The following NSUN6 variants were observed in gnomAD, a reference collection of about 807,000 sequenced individuals.
NSUN6 encodes NOP2/Sun RNA methyltransferase 6.
Under a neutral mutation model 58.0 loss-of-function variants are expected in NSUN6, and 64 were observed. The ratio of observed to expected loss-of-function variants is 1.10; its 90% CI spans 0.90 to 1.36. The LOEUF is 1.36. NSUN6 is among the 40% of genes most tolerant of loss of function. The probability of loss-of-function intolerance (pLI) is 0.00; values close to 1 mark genes in which losing one functional copy is unlikely to be tolerated. For missense variants in NSUN6, 701 were observed against 550.1 expected (o/e 1.27, Z -2.74); for synonymous variants, 231 against 193.9 (o/e 1.19, Z -1.59).
chr10:18,546,662 G>C (rs2054282052), intron 10 of NSUN6, among the ~76,000 whole-genome samples: 1 of 152,142 alleles, frequency 6.6e-6, no homozygotes, highest in Non-Finnish European at 1.5e-5. Context: ...CTGATTACCT[G>C]AGGTCAGGAG....
At position 18,602,240 on chromosome 10, in the gene NSUN6, G is replaced by T. The variant is rs377679802; in HGVS notation, c.658-5913C>A. 1.2e-3 allele frequency among the ~76,000 whole-genome samples: 162 copies of T among 135,718 alleles called. No homozygotes were observed. The East Asian group carries it at 0.016, about 13-fold the overall frequency. The allele number at this position is 135,718 out of a possible 152,430, so 89.0% of individuals were successfully genotyped here. A position where few individuals can be genotyped will look rare whatever the true frequency, so the allele number is the denominator to read the frequency against. Reference sequence around the variant, plus strand: ...ACCACACCCAGCTAATTTTTGTGGGGTTTTTTTTTTTGTTTTTTTTTGAGA... The same window carrying T: ...ACCACACCCAGCTAATTTTTGTGGGTTTTTTTTTTTTGTTTTTTTTTGAGA... On this transcript the variant is annotated intron_variant, in intron 6 of 10. Transcript: ENST00000377304.
In NSUN6 at chr10:18,567,042, T is replaced by G. The variant is rs183494412; in HGVS notation, c.923-15071A>C. On this transcript the variant is annotated intron_variant, in intron 8 of 10. Transcript: ENST00000377304. Reference sequence around the variant, plus strand: ...ATTCCATTCTCCATTCCATTCCATATTCTATTCCTTTCTCCATTCTATTCC... The same window carrying G: ...ATTCCATTCTCCATTCCATTCCATAGTCTATTCCTTTCTCCATTCTATTCC... 2.9e-3 allele frequency among the ~76,000 whole-genome samples: 433 copies of G among 150,770 alleles called. 4 individuals are homozygous for G. Among genetic ancestry groups the G allele is most frequent in the East Asian group, 1.6e-3 (8 of 5,070 alleles).
At chr10:18,575,741 G>C (rs769135501) in intron 8 of NSUN6, among the ~76,000 whole-genome samples, 27 of 152,120 alleles carry the variant, frequency 1.8e-4, no homozygotes, top group Non-Finnish European at 3.2e-4. Context: ...AAAGATACTG[G>C]TCTTTCTCCT....
intron 6 of NSUN6, among the ~76,000 whole-genome samples, chr10:18,597,193 T>C (rs552485434): frequency 6.6e-6 from 1 of 152,346 alleles, no homozygotes; most frequent in South Asian, 2.1e-4. Flanking sequence ...TAATTTGTTA[T>C]TAGTATCAAT....
intron 3 of NSUN6, among the ~76,000 whole-genome samples, chr10:18,619,234 G>C (rs1376259308): frequency 2.0e-5 from 3 of 152,156 alleles, no homozygotes; most frequent in Non-Finnish European, 4.4e-5. Flanking sequence ...GAATTGGCTT[G>C]GGACCAAACA....
chr10:18,592,040 G>T (rs532711747), intron 7 of NSUN6, among the ~76,000 whole-genome samples: 14 of 152,166 alleles, frequency 9.2e-5, no homozygotes, highest in African/African-American at 3.4e-4. Flanking sequence ...AAAAATCAGT[G>T]TGCAAAAAAA....
Position 18,564,241 on chromosome 10 carries a change from A to G in NSUN6, c.923-12270T>C, listed in dbSNP as rs999243970. Reference sequence around the variant, plus strand: ...TTCCATCCACTCTCTATTACATTCCATTCTCCATTCCATTCCCATACATTC... The same window carrying G: ...TTCCATCCACTCTCTATTACATTCCGTTCTCCATTCCATTCCCATACATTC... On this transcript the variant is annotated intron_variant, in intron 8 of 10. Transcript: ENST00000377304. Among the ~76,000 whole-genome samples, 6 of 149,412 alleles carry G rather than the reference A, an allele frequency of 4.0e-5. No individual in the cohort carries two copies. The East Asian group carries it at 1.2e-3, about 30-fold the overall frequency.
At position 18,549,392 on chromosome 10, in the gene NSUN6, A is replaced by G. The variant is rs149322289; in HGVS notation, c.1072-1155T>C. Among the ~76,000 whole-genome samples the G allele has an allele frequency of 9.9e-5, 15 of 152,174 alleles. No individual in the cohort carries two copies. In the East Asian group the frequency reaches 2.9e-3, roughly 29 times the overall value. On this transcript the variant is annotated intron_variant, in intron 9 of 10. Coordinates refer to ENST00000377304, the MANE Select transcript of NSUN6 (RefSeq NM_182543.5). ...TAATTCCCTGCACTGCTTACTCCTT[A>G]TCTTTGCATGTATGTCACGTTCCCG...
upstream of NSUN6, chr10:18,652,036 T>C: frequency 1.0e-6 from 1 of 985,406 alleles, no homozygotes; most frequent in Non-Finnish European, 1.2e-6. Context: ...CATACAGATC[T>C]GACTTCAGTT....
chr10:18,608,467 C>A (rs1290058438), intron 6 of NSUN6, among the ~76,000 whole-genome samples: 2 of 152,016 alleles, frequency 1.3e-5, no homozygotes, highest in African/African-American at 4.8e-5. Context: ...AAAACCCCAT[C>A]TCTACTAAAA....
At chr10:18,598,836 G>A (rs551785484) in intron 6 of NSUN6, among the ~76,000 whole-genome samples, 2 of 152,042 alleles carry the variant, frequency 1.3e-5, no homozygotes, top group African/African-American at 4.8e-5. Flanking sequence ...CGTTTAAAGC[G>A]GCTAAAGATT....
intron 3 of NSUN6, among the ~76,000 whole-genome samples, chr10:18,639,781 T>C (rs2059337232): frequency 6.6e-6 from 1 of 152,178 alleles, no homozygotes; most frequent in African/African-American, 2.4e-5. Context: ...TTTAGAGACC[T>C]AAAATAGCCA....
At chr10:18,649,265 C>T (rs954277369) in intron 1 of NSUN6, among the ~76,000 whole-genome samples, 1 of 152,112 alleles carries the variant, frequency 6.6e-6, no homozygotes, top group Non-Finnish European at 1.5e-5. Flanking sequence ...ACAATATTCC[C>T]TTGTAATTAA....
chr10:18,645,713 A>T (rs1003965568), intron 2 of NSUN6, among the ~76,000 whole-genome samples: 5 of 152,192 alleles, frequency 3.3e-5, no homozygotes, highest in African/African-American at 1.2e-4. Flanking sequence ...TTATATGAAC[A>T]TATGTTTTCA....
rs576032010 is a variant in NSUN6, at chr10:18,636,429, G to C, written c.311+6047C>G. On this transcript the variant is annotated intron_variant, in intron 3 of 10. Transcript: ENST00000377304. ...TAATCCTAGCACTTTGGGAGGCCAA[G>C]GAGGGTGGATCACTTGAGCTCAGGA... Among the ~76,000 whole-genome samples the C allele has an allele frequency of 3.8e-3, 576 of 150,750 alleles. 4 individuals carry two copies. The highest frequency in any genetic ancestry group is 0.013 in the African/African-American group (525 of 41,166).
chr10:18,587,551 C>T (rs957106840), intron 7 of NSUN6, among the ~76,000 whole-genome samples: 2 of 152,114 alleles, frequency 1.3e-5, no homozygotes, highest in Non-Finnish European at 2.9e-5. Flanking sequence ...GAGACCAATG[C>T]AGAACGTGAG....
chr10:18,614,615 T>C lies in NSUN6; in HGVS notation c.422-2A>G, dbSNP rs749707258. ...AAATAACATCTCCAGCTTTCATAACTAGAGAAAGAAGAAAATCAGATTACA... is the reference window on the plus strand; with the variant it reads ...AAATAACATCTCCAGCTTTCATAACCAGAGAAAGAAGAAAATCAGATTACA... On this transcript the variant is annotated splice_acceptor_variant, in intron 4 of 10. Transcript: ENST00000377304. LOFTEE classifies it high-confidence loss of function. 3 of 1,364,078 alleles carry C rather than the reference T, an allele frequency of 2.2e-6. No homozygotes were observed. Among genetic ancestry groups the C allele is most frequent in the South Asian group, 1.5e-5 (1 of 64,710 alleles). The allele number at this position is 1,364,078 out of a possible 1,614,324, so 84.5% of individuals were successfully genotyped here.
rs760363348 is a variant in NSUN6 at position 18,642,551 on chromosome 10, A to T, written c.236T>A (p.Phe79Tyr). 6.9e-7 allele frequency: 1 copy of T among 1,440,066 alleles called. No homozygotes were observed. The highest frequency in any genetic ancestry group is 1.7e-5 in the Admixed American group (1 of 58,812). 89.2% of individuals were successfully genotyped at this position (1,440,066 alleles called of 1,614,324 possible). ...NLLLDELQKQ[F>Y]NGLSVPILQH... is the part of the protein sequence containing the mutation. ...AAGAATAGGAACACTTAATCCATTA[A>T]ACTGCTGTTAAAGATAAACATGATT... Residue 79 changes from phenylalanine to tyrosine, a missense_variant, in exon 3 of 11, where the codon TTT becomes TAT. Coordinates refer to ENST00000377304, the MANE Select transcript of NSUN6 (RefSeq NM_182543.5).
chr10:18,655,715 G>C (rs1369213807), upstream of NSUN6, among the ~76,000 whole-genome samples: 1 of 152,152 alleles, frequency 6.6e-6, no homozygotes, highest in East Asian at 1.9e-4. Flanking sequence ...AATTGAGTCA[G>C]CTTCAAAAGC....
Sources: allele counts gnomAD v4.1 joint callset (sites outside exome capture counted in the v4.1 genomes callset), GRCh38; gene constraint gnomAD v4.1.1; transcripts MANE v1.5; gene names NCBI Gene and HGNC (gene_info 2026-07-23, HGNC 2026-07-21).